Variants in DLAT observed in about 807,000 individuals in gnomAD.
The protein encoded by DLAT is dihydrolipoamide S-acetyltransferase.
Under a neutral mutation model 68.0 loss-of-function variants are expected in DLAT, and 43 were observed. The observed-to-expected ratio is 0.63, with a 90% CI of 0.50 to 0.81. The LOEUF is 0.81. Ranked by LOEUF, DLAT falls within the 40% of genes least tolerant of loss-of-function variation. The pLI is 0.00. For synonymous variants in DLAT, 265 were observed against 288.6 expected, an observed-to-expected ratio of 0.92 and a Z score of 0.83; for missense variants, 745 against 815.4, an observed-to-expected ratio of 0.91 and a Z score of 1.05.
intron 8 of DLAT, among the ~76,000 whole-genome samples, chr11:112,044,391 C>T (rs1178751094): frequency 1.3e-5 from 2 of 152,104 alleles, no homozygotes; most frequent in African/African-American, 2.4e-5. Flanking sequence ...GACAGGGTTT[C>T]GCCATGTTGG....
intron 9 of DLAT, among the ~76,000 whole-genome samples, chr11:112,045,521 C>T (rs782550954): frequency 1.3e-5 from 2 of 152,048 alleles, no homozygotes; most frequent in African/African-American, 2.4e-5. Context: ...CACCCCGTCT[C>T]TACTAAAGAT....
At chr11:112,039,125 GAA>G in intron 6 of DLAT, 117 bp from the exon 7 acceptor site, 4 of 991,260 alleles carry the variant, frequency 4.0e-6, no homozygotes, top group Non-Finnish European at 5.6e-6. Context: ...TTGGAAAAAT[GAA>G]AGTTATTAAT....
intron 7 of DLAT, among the ~76,000 whole-genome samples, chr11:112,040,104 A>G (rs920253749): frequency 2.0e-5 from 3 of 152,242 alleles, no homozygotes; most frequent in East Asian, 1.9e-4. Flanking sequence ...TGTATCTAGC[A>G]TATAAGTACT....
In DLAT at chr11:112,025,907, G is replaced by A. The variant is rs183579635; in HGVS notation, c.279+156G>A. ...TAGTTGGCTTTGCTGTAGCTCCTTA[G>A]TGTCCCTCTCATGATCTATTTCATT... On this transcript the variant is annotated intron_variant, in intron 1 of 13. Coordinates refer to ENST00000280346, the MANE Select transcript of DLAT (RefSeq NM_001931.5). Among the ~76,000 whole-genome samples the A allele has an allele frequency of 1.4e-4, 21 of 152,314 alleles. No individual in the cohort carries two copies. In the East Asian group the frequency reaches 4.1e-3, roughly 29 times the overall value.
intron 5 of DLAT, 36 bp downstream of exon 5, chr11:112,033,566 G>A (rs782304745): frequency 1.2e-6 from 2 of 1,611,538 alleles, no homozygotes; most frequent in Non-Finnish European, 1.7e-6. Context: ...TTGAGGCACT[G>A]AGTTTCCCAA....
rs781991355 is a variant in DLAT at position 112,028,545 on chromosome 11, G to A, written c.412G>A (p.Glu138Lys). ...AACTGATAAAGCCACTGTTGGATTT[G>A]AGAGCCTGGAGGAGTGTTATATGGC... Reference protein sequence around the residue: ...VETDKATVGFESLEECYMAKI... With the variant: ...VETDKATVGFKSLEECYMAKI... The change falls in exon 3 of 14, where the codon GAG becomes AAG. Residue 138 changes from glutamate to lysine, a missense_variant. Transcript: ENST00000280346. The A allele has an allele frequency of 6.2e-7, 1 of 1,613,732 alleles. No individual in the cohort carries two copies. The highest frequency in any genetic ancestry group is 1.3e-5 in the African/African-American group (1 of 74,846).
rs199835215 is a variant in DLAT at position 112,037,313 on chromosome 11, G to T, written c.828G>T (p.Leu276=). 580 of 1,614,102 alleles carry T rather than the reference G, an allele frequency of 3.6e-4. 1 individual carries two copies. Among genetic ancestry groups the T allele is most frequent in the Non-Finnish European group, 4.6e-4 (542 of 1,180,004 alleles). Residue 276 remains leucine, a synonymous_variant, in exon 6 of 14, where the codon CTG becomes CTT. Transcript: ENST00000280346. ...AAGAAGGTTATCTGGCAAAAATCCTGGTCCCTGAAGGCACAAGAGATGTCC... is the reference window on the plus strand; with the variant it reads ...AAGAAGGTTATCTGGCAAAAATCCTTGTCCCTGAAGGCACAAGAGATGTCC... ...VQEEGYLAKI[L]VPEGTRDVPL... is the part of the protein sequence containing the mutation.
chr11:112,030,100 T>C, intron 4 of DLAT: 1 of 785,026 alleles, frequency 1.3e-6, no homozygotes, highest in East Asian at 3.5e-5. Context: ...TCCTGGTAAA[T>C]ACTGGCGACT....
chr11:112,058,642 C>CT (rs587655131), intron 11 of DLAT, among the ~76,000 whole-genome samples: 41 of 139,552 alleles, frequency 2.9e-4, no homozygotes, highest in Admixed American at 4.3e-4. Flanking sequence ...GGGGAATCAC[C>CT]TTTTTTTTTT....
intron 7 of DLAT, among the ~76,000 whole-genome samples, chr11:112,043,103 T>G (rs1863129688): frequency 6.6e-6 from 1 of 152,228 alleles, no homozygotes; most frequent in Non-Finnish European, 1.5e-5. Context: ...TTTGGAGATA[T>G]AAACTGTGCT....
chr11:112,043,224 G>A (rs1863136295), intron 7 of DLAT, among the ~76,000 whole-genome samples: 1 of 152,176 alleles, frequency 6.6e-6, no homozygotes, highest in South Asian at 2.1e-4. Context: ...AATATTTGCA[G>A]TAGTTAAAAA....
chr11:112,055,829 C>T (rs1417109269), intron 11 of DLAT, among the ~76,000 whole-genome samples: 1 of 107,404 alleles, frequency 9.3e-6, no homozygotes, highest in East Asian at 2.7e-4. Flanking sequence ...TAATTCTCCT[C>T]TGTGCCAGCA....
Position 112,061,105 on chromosome 11 carries a change from C to T in DLAT, c.1745C>T (p.Pro582Leu), listed in dbSNP as rs782669907. Residue 582 changes from proline (P) to leucine (L), a missense_variant, in exon 13 of 14, where the codon CCA becomes CTA. Pro to Leu is a moderately conservative substitution (Grantham distance 98). Transcript: ENST00000280346. ...AAGAATTTCTCTGCTATTATTAACC[C>T]ACCTCAAGCATGTATTTTGGCAATT... ...GIKNFSAIIN[P>L]PQACILAIGA... 3.1e-6 allele frequency: 5 copies of T among 1,613,672 alleles called. No homozygotes were observed. In the East Asian group the frequency reaches 8.9e-5, roughly 29 times the overall value.
At position 112,029,790 on chromosome 11, in the gene DLAT, A is replaced by G. The variant is rs587594504; in HGVS notation, c.660+845A>G. On this transcript the variant is annotated intron_variant, in intron 4 of 13. Transcript: ENST00000280346. ...GGGCCAGTCCAGATTATCTTACTCAAGAACACCACCAAGAAGGGAAGGCCT... is the reference window on the plus strand; with the variant it reads ...GGGCCAGTCCAGATTATCTTACTCAGGAACACCACCAAGAAGGGAAGGCCT... The G allele has an allele frequency of 1.6e-3, 799 of 497,348 alleles. 5 individuals carry two copies. Among genetic ancestry groups the G allele is most frequent in the Non-Finnish European group, 1.8e-3 (463 of 256,210 alleles). 30.8% of individuals were successfully genotyped at this position (497,348 alleles called of 1,614,324 possible). A position where few individuals can be genotyped will look rare whatever the true frequency, so the allele number is the denominator to read the frequency against.
intron 1 of DLAT, 122 bp downstream of exon 1, chr11:112,025,873 T>G: frequency 7.6e-7 from 1 of 1,310,004 alleles, no homozygotes; most frequent in South Asian, 1.4e-5. Context: ...GCTTTGGCCC[T>G]TTGTCCAATA....
At chr11:112,040,752 A>C (rs1158999165) in intron 7 of DLAT, among the ~76,000 whole-genome samples, 2 of 152,102 alleles carry the variant, frequency 1.3e-5, no homozygotes, top group African/African-American at 4.8e-5. Flanking sequence ...AGAATCAGGG[A>C]CAGCAGTGTA....
intron 10 of DLAT, among the ~76,000 whole-genome samples, chr11:112,050,396 G>A (rs1338302263): frequency 6.6e-6 from 1 of 151,742 alleles, no homozygotes; most frequent in Non-Finnish European, 1.5e-5. Flanking sequence ...GAATGTGTGG[G>A]GAAGTGTTTC....
intron 4 of DLAT, among the ~76,000 whole-genome samples, chr11:112,031,721 G>A (rs1159585140): frequency 6.7e-5 from 10 of 149,222 alleles, no homozygotes; most frequent in African/African-American, 2.0e-4. Flanking sequence ...CTACAGGCAC[G>A]TGCCACCATG....
intron 4 of DLAT, chr11:112,030,150 A>C: frequency 1.5e-6 from 1 of 680,914 alleles, no homozygotes; most frequent in South Asian, 1.4e-5. Flanking sequence ...ACCCTAAATC[A>C]TGAAATCCTT....
Sources: gnomAD v4.1 joint callset for allele counts (sites outside exome capture counted in the v4.1 genomes callset) on GRCh38, gnomAD v4.1.1 for gene constraint, MANE v1.5 for transcripts, NCBI Gene and HGNC (gene_info 2026-07-23, HGNC 2026-07-21) for gene names.